Variants in DYNC2H1 observed in about 807,000 individuals in gnomAD.
DYNC2H1 encodes dynein cytoplasmic 2 heavy chain 1.
A neutral mutation model predicts 570.0 loss-of-function variants in DYNC2H1; 410 were observed. The observed-to-expected ratio is 0.72, with a 90% CI of 0.66 to 0.78. The LOEUF (loss-of-function observed/expected upper bound fraction) is 0.78, where lower values mean the gene tolerates loss of function less well. Ranked by LOEUF, DYNC2H1 falls within the 30% of genes least tolerant of loss-of-function variation. The pLI is 0.00. For missense variants in DYNC2H1, 4,865 were observed against 5,046.4 expected (o/e 0.96, Z 1.09); for synonymous variants, 1,688 against 1,677.6 (o/e 1.01, Z -0.15).
intron 84 of DYNC2H1, among the ~76,000 whole-genome samples, chr11:103,411,494 TG>T (rs1943085408): frequency 2.0e-5 from 3 of 151,840 alleles, no homozygotes; most frequent in Admixed American, 2.0e-4. Flanking sequence ...TTTCTTGTTT[TG>T]TTTCTGCTGT....
chr11:103,171,911 G>T (rs944066697), intron 34 of DYNC2H1, among the ~76,000 whole-genome samples: 1 of 152,024 alleles, frequency 6.6e-6, no homozygotes, highest in Non-Finnish European at 1.5e-5. Context: ...CAAACACTTA[G>T]CTATTTTGTT....
chr11:103,212,009 A>G lies in DYNC2H1; in HGVS notation c.8694+66A>G, dbSNP rs2135122751. On this transcript the variant is annotated intron_variant, in intron 54 of 88. Transcript: ENST00000375735. ...GGAAACAAGAGTTTTGTAAATCACAATGCTATGTTGCGGGTGGCATATATC... is the reference window on the plus strand; with the variant it reads ...GGAAACAAGAGTTTTGTAAATCACAGTGCTATGTTGCGGGTGGCATATATC... 7.5e-6 allele frequency: 10 copies of G among 1,335,566 alleles called. No individual in the cohort carries two copies. In the South Asian group the frequency reaches 2.0e-4, roughly 26 times the overall value. 82.7% of individuals were successfully genotyped at this position (1,335,566 alleles called of 1,614,324 possible).
rs72971588 is a variant in DYNC2H1 at position 103,254,637 on chromosome 11, G to A, written c.10207-778G>A. Among the ~76,000 whole-genome samples, 7,534 of 152,220 alleles carry A rather than the reference G, an allele frequency of 0.049. 251 individuals are homozygous for A. The highest frequency in any genetic ancestry group is 0.071 in the Non-Finnish European group (4,852 of 68,024). Reference sequence around the variant, plus strand: ...ATTTACTTTCCCACCAGAAATATAGGAGGGTTCCGCTTTTTTCCATATCCT... The same window carrying A: ...ATTTACTTTCCCACCAGAAATATAGAAGGGTTCCGCTTTTTTCCATATCCT... On this transcript the variant is annotated intron_variant, in intron 66 of 88. Transcript: ENST00000375735. The surrounding 1 kb of genome is among the most constrained non-coding windows in gnomAD (Gnocchi z 4.9).
rs765007022 is a variant in DYNC2H1, at chr11:103,203,810, C to A, written c.8311+34C>A. The A allele has an allele frequency of 7.1e-7, 1 of 1,406,374 alleles. No individual in the cohort carries two copies. The highest frequency in any genetic ancestry group is 2.3e-5 in the East Asian group (1 of 43,520). 87.1% of individuals were successfully genotyped at this position (1,406,374 alleles called of 1,614,324 possible). A position where few individuals can be genotyped will look rare whatever the true frequency, so the allele number is the denominator to read the frequency against. ...CATAGAATTCATTAATCAAATCAAA[C>A]TGGTTTGTATGAAATATATATCATT... On this transcript the variant is annotated intron_variant, in intron 51 of 88. Coordinates refer to ENST00000375735, the MANE Select transcript of DYNC2H1 (RefSeq NM_001377.3). This position sits in a 1 kb window ranked among gnomAD's most constrained non-coding sequence, Gnocchi z 4.7.
At chr11:103,419,567 T>TAA (rs34062997) in intron 84 of DYNC2H1, among the ~76,000 whole-genome samples, 42 of 133,964 alleles carry the variant, frequency 3.1e-4, no homozygotes, top group African/African-American at 1.0e-3. Flanking sequence ...CCTGACTGGT[T>TAA]AAAAAAAAAA....
At chr11:103,230,825 G>A (rs761512368) in intron 59 of DYNC2H1, among the ~76,000 whole-genome samples, 14 of 152,050 alleles carry the variant, frequency 9.2e-5, no homozygotes, top group African/African-American at 2.9e-4. Context: ...GGCTCTGATC[G>A]TACCACTGCA....
intron 60 of DYNC2H1, 71 bp from the exon 61 acceptor site, chr11:103,233,963 A>G: frequency 1.4e-6 from 2 of 1,461,552 alleles, no homozygotes; most frequent in Non-Finnish European, 1.8e-6. Context: ...TTACTTTATT[A>G]CCTATGGATA....
At chr11:103,329,423 G>T (rs1487202731) in intron 82 of DYNC2H1, among the ~76,000 whole-genome samples, 1 of 152,066 alleles carries the variant, frequency 6.6e-6, no homozygotes, top group Non-Finnish European at 1.5e-5. Flanking sequence ...TTGGAGGATA[G>T]AAATCTAATT....
intron 19 of DYNC2H1, among the ~76,000 whole-genome samples, 172 bp from the exon 20 acceptor site, chr11:103,148,318 C>A (rs1429916267): frequency 6.6e-6 from 1 of 152,094 alleles, no homozygotes; most frequent in Non-Finnish European, 1.5e-5. Context: ...GAAGAAATTT[C>A]TTTGCTTATT....
chr11:103,304,706 C>T lies in DYNC2H1; in HGVS notation c.11368C>T (p.Pro3790Ser). The T allele has an allele frequency of 1.2e-6, 2 of 1,611,524 alleles. No individual in the cohort carries two copies. Among genetic ancestry groups the T allele is most frequent in the African/African-American group, 1.3e-5 (1 of 74,810 alleles). ...KNLHLVVSWL[P>S]VLEKELNTLQ... Reference sequence around the variant, plus strand: ...CTTACATCTTGTGGTATCTTGGCTGCCAGTTCTGGAAAAGGTAGATTCAGA... The same window carrying T: ...CTTACATCTTGTGGTATCTTGGCTGTCAGTTCTGGAAAAGGTAGATTCAGA... The change falls in exon 77 of 89, where the codon CCA (proline) becomes TCA (serine). Residue 3790 changes from proline (P) to serine (S), a missense_variant. By Grantham distance (74) the Pro-to-Ser change is moderately conservative. Coordinates refer to ENST00000375735, the MANE Select transcript of DYNC2H1 (RefSeq NM_001377.3).
intron 84 of DYNC2H1, among the ~76,000 whole-genome samples, chr11:103,427,434 T>G (rs558832382): frequency 1.3e-5 from 2 of 152,174 alleles, no homozygotes; most frequent in South Asian, 2.1e-4. Context: ...AGCTTCACTA[T>G]AAGTATTCCT....
In DYNC2H1 at chr11:103,205,087, T is replaced by C; in HGVS notation, c.8454+123T>C. On this transcript the variant is annotated intron_variant, in intron 52 of 88. Transcript: ENST00000375735. The surrounding 1 kb of genome is among the most constrained non-coding windows in gnomAD (Gnocchi z 4.5). ...TAATTATGGCACCAAACATCTCTTA[T>C]GTTTGGAAATGTCTGTTTTCTTCGT... 1.2e-6 allele frequency: 1 copy of C among 837,322 alleles called. No individual in the cohort carries two copies. Among genetic ancestry groups the C allele is most frequent in the Non-Finnish European group, 1.8e-6 (1 of 565,220 alleles). The allele number at this position is 837,322 out of a possible 1,614,324, so 51.9% of individuals were successfully genotyped here. A position where few individuals can be genotyped will look rare whatever the true frequency, so the allele number is the denominator to read the frequency against.
chr11:103,451,766 A>G (rs146376909), intron 85 of DYNC2H1, among the ~76,000 whole-genome samples: 225 of 152,250 alleles, frequency 1.5e-3, no homozygotes, highest in African/African-American at 5.2e-3. Context: ...TTCTCCTGCT[A>G]TTCTGTTGGG....
intron 79 of DYNC2H1, among the ~76,000 whole-genome samples, chr11:103,315,624 C>A (rs751620724): frequency 6.6e-6 from 1 of 151,902 alleles, no homozygotes; most frequent in Non-Finnish European, 1.5e-5. Flanking sequence ...TGTATGTCAC[C>A]CCTCTCCCCA....
intron 63 of DYNC2H1, among the ~76,000 whole-genome samples, chr11:103,240,055 C>T (rs1864370636): frequency 6.6e-6 from 1 of 151,968 alleles, no homozygotes; most frequent in Non-Finnish European, 1.5e-5. Flanking sequence ...CCTCCAGTGG[C>T]CAGTTATAGC....
intron 71 of DYNC2H1, 131 bp from the exon 72 acceptor site, chr11:103,282,048 G>A (rs775753942): frequency 9.4e-6 from 6 of 638,098 alleles, no homozygotes; most frequent in Non-Finnish European, 1.6e-5. Flanking sequence ...CATACTAGAA[G>A]AAGTGGTAAG....
chr11:103,210,914 G>A (rs1327665436), intron 53 of DYNC2H1, among the ~76,000 whole-genome samples: 6 of 152,008 alleles, frequency 3.9e-5, no homozygotes, highest in Admixed American at 6.6e-5. Context: ...GTATTATTGA[G>A]AGATTTAAAA....
intron 55 of DYNC2H1, 95 bp downstream of exon 55, chr11:103,215,953 A>T: frequency 2.1e-6 from 3 of 1,418,424 alleles, no homozygotes; most frequent in Non-Finnish European, 2.8e-6. Flanking sequence ...AGGTGGATTT[A>T]AAAAATATTG....
rs1864000437 is a variant in DYNC2H1 at position 103,231,329 on chromosome 11, A to G, written c.9423A>G (p.Val3141=). 1.2e-6 allele frequency: 2 copies of G among 1,604,564 alleles called. No individual in the cohort carries two copies. The highest frequency in any genetic ancestry group is 1.7e-6 in the Non-Finnish European group (2 of 1,175,738). The change falls in exon 60 of 89, where the codon GTA becomes GTG. Residue 3141 remains valine, a synonymous_variant. Transcript: ENST00000375735. ...EELLNSVGQK[V]SELKEKFQSR... ...TTCTTAATTCTGTTGGTCAAAAGGT[A>G]TCAGAACTCAAAGAAAAGTAAGTTA... is the stretch of plus-strand genomic sequence containing the variant.
Sources: allele counts gnomAD v4.1 joint callset (sites outside exome capture counted in the v4.1 genomes callset), GRCh38; gene constraint gnomAD v4.1.1; non-coding constraint Gnocchi (gnomAD v3.1); transcripts MANE v1.5; gene names NCBI Gene and HGNC (gene_info 2026-07-23, HGNC 2026-07-21).